Variants in FAAP100 observed in about 807,000 individuals in gnomAD.
FAAP100 encodes the protein Fanconi anemia core complex-associated protein 100.
FAAP100 carries 46 observed loss-of-function variants against 65.8 expected under a neutral mutation model. The observed-to-expected ratio is 0.70, with a 90% CI of 0.55 to 0.89. The LOEUF (loss-of-function observed/expected upper bound fraction) is 0.89, where lower values mean the gene tolerates loss of function less well. FAAP100 is among the 40% of genes least tolerant of loss of function. The pLI, the probability that FAAP100 is intolerant of heterozygous loss-of-function variation, is 0.00. For missense variants in FAAP100, 1,165 were observed against 1,196.7 expected, an observed-to-expected ratio of 0.97 and a Z score of 0.39; for synonymous variants, 663 against 555.1, an observed-to-expected ratio of 1.19 and a Z score of -2.73.
Position 81,544,042 on chromosome 17 carries a change from TGTC to T in FAAP100, c.2386_2388del (p.Asp796del). Reference sequence around the variant, plus strand: ...ACAACGGCATGGTGCGCCCTGCAAATGTCGGCCAGAGAGGAGCTTTCCACTTGA... The same window carrying T: ...ACAACGGCATGGTGCGCCCTGCAAATGGCCAGAGAGGAGCTTTCCACTTGA... On this transcript the variant is annotated inframe_deletion, in exon 7 of 9. Transcript: ENST00000327787. 1.2e-6 allele frequency: 2 copies of T among 1,612,696 alleles called. No individual in the cohort carries two copies. The highest frequency in any genetic ancestry group is 1.7e-6 in the Non-Finnish European group (2 of 1,179,824).
At chr17:81,551,758 G>T (rs1408912975) in intron 2 of FAAP100, 170 bp downstream of exon 2, 2 of 1,366,762 alleles carry the variant, frequency 1.5e-6, no homozygotes, top group Non-Finnish European at 1.9e-6. Flanking sequence ...GACACTTGCA[G>T]AAAGAGTGCT....
At chr17:81,542,261 C>A (rs887582033) in intron 7 of FAAP100, among the ~76,000 whole-genome samples, 1 of 131,198 alleles carries the variant, frequency 7.6e-6, no homozygotes, top group Non-Finnish European at 1.6e-5. Context: ...GGTGACAGAG[C>A]CTGTAATCCC....
At position 81,549,230 on chromosome 17, in the gene FAAP100, G is replaced by A. The variant is rs1279621714; in HGVS notation, c.1379C>T (p.Ser460Phe). ...CCTCTCAGAGATGTTGCCAATTCCA[G>A]ACAGCAGCTCCTTTATTTTCTGACC... Reference protein sequence around the residue: ...SAGQKIKELLSGIGNISERVS... With the variant: ...SAGQKIKELLFGIGNISERVS... Residue 460 changes from serine (S) to phenylalanine (F), a missense_variant, in exon 4 of 9, where the codon TCT becomes TTT. Physicochemically the swap from Ser to Phe is radical, Grantham distance 155 (BLOSUM62 -2). Transcript: ENST00000327787. 1 of 1,612,704 alleles carries A rather than the reference G, an allele frequency of 6.2e-7. No individual in the cohort carries two copies. The highest frequency in any genetic ancestry group is 2.2e-5 in the East Asian group (1 of 44,874).
intron 2 of FAAP100, 88 bp downstream of exon 2, chr17:81,551,840 C>T: frequency 7.1e-7 from 1 of 1,402,970 alleles, no homozygotes; most frequent in Non-Finnish European, 9.2e-7. Flanking sequence ...GCCCGGGTCC[C>T]CAAGCGCGAT....
intron 7 of FAAP100, among the ~76,000 whole-genome samples, chr17:81,542,556 C>G (rs1452640766): frequency 6.6e-6 from 1 of 152,090 alleles, no homozygotes; most frequent in East Asian, 1.9e-4. Context: ...CCTGATCACT[C>G]CTGTTCCTGG....
chr17:81,550,151 C>G, intron 3 of FAAP100, 97 bp downstream of exon 3: 2 of 1,217,744 alleles, frequency 1.6e-6, no homozygotes, highest in Non-Finnish European at 1.2e-6. Context: ...TGCAAAAGAA[C>G]AAGCCCAGGA....
intron 3 of FAAP100, 100 bp downstream of exon 3, chr17:81,550,148 G>C (rs1295542585): frequency 2.7e-5 from 32 of 1,200,726 alleles, no homozygotes; most frequent in Non-Finnish European, 3.6e-5. Flanking sequence ...CCTTGCAAAA[G>C]AACAAGCCCA....
rs757840748 is a variant in FAAP100, at chr17:81,547,419, C to T, written c.1663G>A (p.Asp555Asn). The T allele has an allele frequency of 6.2e-6, 10 of 1,612,786 alleles. No individual in the cohort carries two copies. Among genetic ancestry groups the T allele is most frequent in the African/African-American group, 5.3e-5 (4 of 74,932 alleles). The change falls in exon 5 of 9, where the codon GAC (aspartate) becomes AAC (asparagine). Residue 555 changes from aspartate (D) to asparagine (N), a missense_variant. Physicochemically the swap from Asp to Asn is conservative, Grantham distance 23. Coordinates refer to ENST00000327787, the MANE Select transcript of FAAP100 (RefSeq NM_025161.6). ...IQVLTSSCAL[D>N]LDSACSAITY... is the part of the protein sequence containing the mutation. ...ATGGCGGAGCAGGCCGAGTCCAGGTCGAGAGCACAGGAGCTGGTGAGCACC... is the reference window on the plus strand; with the variant it reads ...ATGGCGGAGCAGGCCGAGTCCAGGTTGAGAGCACAGGAGCTGGTGAGCACC...
chr17:81,541,517 C>T lies in FAAP100; in HGVS notation c.2428-122G>A, dbSNP rs573765818. The T allele has an allele frequency of 9.8e-6, 8 of 819,356 alleles. 1 individual carries two copies. Among genetic ancestry groups the T allele is most frequent in the Middle Eastern group, 3.1e-4 (1 of 3,230 alleles). 50.8% of individuals were successfully genotyped at this position (819,356 alleles called of 1,614,324 possible). ...GCTGCCTCCCTGCCTGGCACCCCTC[C>T]CCACCCCAGCGCTTTGCTGTTTTCC... On this transcript the variant is annotated intron_variant, in intron 7 of 8. Coordinates refer to ENST00000327787, the MANE Select transcript of FAAP100 (RefSeq NM_025161.6).
chr17:81,542,607 C>T (rs1366986874), intron 7 of FAAP100, among the ~76,000 whole-genome samples: 1 of 152,150 alleles, frequency 6.6e-6, no homozygotes, highest in Non-Finnish European at 1.5e-5. Context: ...GGTCTGCAGC[C>T]TGAGATGAGA....
intron 6 of FAAP100, among the ~76,000 whole-genome samples, chr17:81,545,355 A>G (rs1413740989): frequency 6.6e-6 from 1 of 152,250 alleles, no homozygotes; most frequent in African/African-American, 2.4e-5. Context: ...GGAGACCAGC[A>G]GTGCCATTTG....
intron 5 of FAAP100, 57 bp from the exon 6 acceptor site, chr17:81,545,939 G>T (rs774909228): frequency 6.4e-7 from 1 of 1,556,238 alleles, no homozygotes; most frequent in Admixed American, 1.8e-5. Context: ...GGGCTCAGCC[G>T]ATCCTACCAG....
At chr17:81,547,728 C>T (rs1486914026) in intron 4 of FAAP100, 50 bp from the exon 5 acceptor site, 8 of 1,585,188 alleles carry the variant, frequency 5.0e-6, no homozygotes, top group Non-Finnish European at 6.9e-6. Flanking sequence ...CCCACAGCAC[C>T]AGGTGCCACA....
At chr17:81,543,571 G>A (rs1039073450) in intron 7 of FAAP100, among the ~76,000 whole-genome samples, 3 of 152,130 alleles carry the variant, frequency 2.0e-5, no homozygotes, top group African/African-American at 7.2e-5. Flanking sequence ...GGGGGGAACT[G>A]CAAACTCCAC....
Position 81,547,357 on chromosome 17 carries a change from A to G in FAAP100, c.1725T>C (p.Gly575=). The change falls in exon 5 of 9, where the codon GGT becomes GGC. Residue 575 remains glycine, a synonymous_variant. Transcript: ENST00000327787. ...GGGGTAGCGTCACCTCCCGCCGAGC[A>G]CCGGGGCCGAGCTGGTCCACGGGGA... ...YTIPVDQLGP[G]ARREVTLPLG... The G allele has an allele frequency of 6.2e-7, 1 of 1,612,700 alleles. No individual in the cohort carries two copies. Among genetic ancestry groups the G allele is most frequent in the Non-Finnish European group, 8.5e-7 (1 of 1,179,934 alleles).
In FAAP100 at chr17:81,550,906, C is replaced by T. The variant is rs369173356; in HGVS notation, c.588G>A (p.Val196=). The T allele has an allele frequency of 7.4e-6, 12 of 1,612,530 alleles. No individual in the cohort carries two copies. In the African/African-American group the frequency reaches 1.1e-4, roughly 14 times the overall value. ...AGCCTGATGGTGACACAGAGCACAG[C>T]ACTGGAAGGAAGTGGGGGGCTGCAG... ...GKPAAPHFLP[V]LCSVSPSGSR... is the part of the protein sequence containing the mutation. Residue 196 remains valine (V), a synonymous_variant, in exon 3 of 9, where the codon GTG becomes GTA. Transcript: ENST00000327787.
At chr17:81,548,166 G>A (rs538726684) in intron 4 of FAAP100, 16 of 595,992 alleles carry the variant, frequency 2.7e-5, no homozygotes, top group African/African-American at 2.2e-4. Context: ...CAGGCCCCTC[G>A]CTCTCGGGAC....
rs1483539174 is a variant in FAAP100, at chr17:81,549,348, G to A, written c.1261C>T (p.Leu421=). The change falls in exon 4 of 9, where the codon CTG becomes TTG. Residue 421 remains leucine (L), a synonymous_variant. Coordinates refer to ENST00000327787, the MANE Select transcript of FAAP100 (RefSeq NM_025161.6). ...AGGCGGCCTTTGGCGGACAGGGCCA[G>A]GAGCTTGGTGCCACCTGGTGACAGA... ...PRTHEGGTKL[L]ALSAKGRLMT... is the part of the protein sequence containing the mutation. 1 of 1,608,850 alleles carries A rather than the reference G, an allele frequency of 6.2e-7. No homozygotes were observed. Among genetic ancestry groups the A allele is most frequent in the Non-Finnish European group, 8.5e-7 (1 of 1,178,138 alleles).
In FAAP100 at chr17:81,540,555, G is replaced by T. The variant is rs1421820596; in HGVS notation, c.*264C>A. On this transcript the variant is annotated 3_prime_UTR_variant, in exon 9 of 9. Coordinates refer to ENST00000327787, the MANE Select transcript of FAAP100 (RefSeq NM_025161.6). ...GGCGAGTGCAGGGGCTGCGGCCGCG[G>T]TCAGAGAAGGAGAGACACCAGCAGA... 2 of 439,994 alleles carry T rather than the reference G, an allele frequency of 4.5e-6. No individual in the cohort carries two copies. Among genetic ancestry groups the T allele is most frequent in the Admixed American group, 3.9e-5 (1 of 25,606 alleles). 27.3% of individuals were successfully genotyped at this position (439,994 alleles called of 1,614,324 possible). A position where few individuals can be genotyped will look rare whatever the true frequency, so the allele number is the denominator to read the frequency against.
Sources: allele counts gnomAD v4.1 joint callset (sites outside exome capture counted in the v4.1 genomes callset), GRCh38; gene constraint gnomAD v4.1.1; transcripts MANE v1.5; gene names NCBI Gene and HGNC (gene_info 2026-07-23, HGNC 2026-07-21).